CENPI: variants seen among roughly 807,000 people sequenced by gnomAD.
CENPI encodes the protein FSH primary response 1.
CENPI carries 4 observed loss-of-function variants against 60.4 expected under a neutral mutation model. The observed-to-expected ratio is 0.07, with a 90% CI of 0.03 to 0.15. The LOEUF is 0.15. CENPI is among the 10% of genes least tolerant of loss of function. CENPI has a pLI of 1.00. For missense variants in CENPI, 444 were observed against 534.5 expected (o/e 0.83, Z 1.67); for synonymous variants, 157 against 189.4 (o/e 0.83, Z 1.40).
At position 101,106,237 on chromosome X, in the gene CENPI, A is replaced by C. The variant is rs368540287; in HGVS notation, c.365-3236A>C. Among the ~76,000 whole-genome samples, 17 of 111,767 alleles carry C rather than the reference A, an allele frequency of 1.5e-4. No individual in the cohort carries two copies. The South Asian group carries it at 6.0e-3, about 39-fold the overall frequency. On this transcript the variant is annotated intron_variant, in intron 4 of 21. Transcript: ENST00000682095. ...GAGTGAGAAAGAAAACAAGAAAAAC[A>C]AGAAACCACAAGAGTGGAAAGCAGA...
At chrX:101,166,813 G>T (rs1321660599), downstream of CENPI, among the ~76,000 whole-genome samples, 1 of 112,417 alleles carries the variant, frequency 8.9e-6, no homozygotes, top group African/African-American at 3.2e-5. Context: ...AGGCTGGAGT[G>T]CAGTGGCGTG....
Position 101,126,846 on chromosome X carries a change from T to C in CENPI, c.777+48T>C, listed in dbSNP as rs143158337. On this transcript the variant is annotated intron_variant, in intron 9 of 21. Coordinates refer to ENST00000682095, the MANE Select transcript of CENPI (RefSeq NM_001386188.2). ...ATCATATTAAGATTGAAATATGTTA[T>C]TTTTGGTAAAGTTAACTTACAGATT... 573 of 1,029,367 alleles carry C rather than the reference T, an allele frequency of 5.6e-4. 1 individual carries two copies. In the African/African-American group the frequency reaches 9.1e-3, roughly 16 times the overall value. The allele number at this position is 1,029,367 out of a possible 1,213,427, so 84.8% of individuals were successfully genotyped here. A position where few individuals can be genotyped will look rare whatever the true frequency, so the allele number is the denominator to read the frequency against.
chrX:101,146,027 G>A, intron 17 of CENPI, 126 bp from the exon 18 acceptor site: 1 of 500,005 alleles, frequency 2.0e-6, no homozygotes. Flanking sequence ...GTTTATTTAG[G>A]AGTCAGGCAT....
intron 13 of CENPI, among the ~76,000 whole-genome samples, chrX:101,131,253 C>A (rs1362725307): frequency 9.0e-6 from 1 of 111,673 alleles, no homozygotes; most frequent in East Asian, 2.8e-4. Context: ...TTAAGCATTC[C>A]TTCTGCCTTG....
At chrX:101,118,499 T>G (rs1415193925) in intron 6 of CENPI, among the ~76,000 whole-genome samples, 2 of 112,402 alleles carry the variant, frequency 1.8e-5, no homozygotes, top group African/African-American at 6.5e-5. Flanking sequence ...CTTTCTGCTT[T>G]CTTCTAACAG....
chrX:101,171,989 C>T, the CENPI span, among the ~76,000 whole-genome samples: 1 of 111,754 alleles, frequency 8.9e-6, no homozygotes, highest in Admixed American at 9.6e-5. Context: ...AATTTAAAAA[C>T]GGACCAAATA....
At chrX:101,161,662 C>G (rs2090109273) in intron 21 of CENPI, 93 bp downstream of exon 21, 4 of 771,403 alleles carry the variant, frequency 5.2e-6, no homozygotes, top group Non-Finnish European at 7.7e-6. Context: ...AAACCTTAAG[C>G]CTGCTGCCTC....
At chrX:101,170,511 C>A (rs1006294169), downstream of CENPI, among the ~76,000 whole-genome samples, 1 of 112,047 alleles carries the variant, frequency 8.9e-6, no homozygotes, top group African/African-American at 3.2e-5. Context: ...TACACCATAT[C>A]AAAACATTGT....
chrX:101,106,458 C>CCAGG (rs2060487021), intron 4 of CENPI, among the ~76,000 whole-genome samples: 1 of 106,685 alleles, frequency 9.4e-6, no homozygotes, highest in Admixed American at 1.0e-4. Context: ...CTCTTGTCAC[C>CCAGG]CAGGCTGGAG....
At chrX:101,146,326 CTT>C (rs762883861) in intron 18 of CENPI, 49 bp downstream of exon 18, 1 of 1,085,877 alleles carries the variant, frequency 9.2e-7, no homozygotes, top group East Asian at 3.1e-5. Flanking sequence ...ATAATTCTCT[CTT>C]CCTCTTTCAG....
In CENPI at chrX:101,139,166, C is replaced by T. The variant is rs930700606; in HGVS notation, c.1471-1500C>T. ...GTAGTGCAGTGGCATGATCTTGGCT[C>T]ACTGCAAACTCCGCCTTCCGGGCTC... On this transcript the variant is annotated intron_variant, in intron 15 of 21. Coordinates refer to ENST00000682095, the MANE Select transcript of CENPI (RefSeq NM_001386188.2). 8.2e-5 allele frequency among the ~76,000 whole-genome samples: 8 copies of T among 97,598 alleles called. No homozygotes were observed. The East Asian group carries it at 2.3e-3, about 28-fold the overall frequency. The allele number at this position is 97,598 out of a possible 115,157, so 84.8% of individuals were successfully genotyped here.
chrX:101,139,679 TTAG>T (rs1033969836), intron 15 of CENPI, among the ~76,000 whole-genome samples: 2 of 111,585 alleles, frequency 1.8e-5, no homozygotes, highest in African/African-American at 6.5e-5. Context: ...ACTCAAATGA[TTAG>T]TAGACCATTA....
At chrX:101,145,707 A>G (rs1316827528) in intron 17 of CENPI, among the ~76,000 whole-genome samples, 1 of 108,294 alleles carries the variant, frequency 9.2e-6, no homozygotes, top group Non-Finnish European at 1.9e-5. Flanking sequence ...CCAATTTAAT[A>G]TTATCCATGA....
At position 101,102,319 on chromosome X, in the gene CENPI, A is replaced by G; in HGVS notation, c.272A>G (p.His91Arg). 8.4e-7 allele frequency: 1 copy of G among 1,194,731 alleles called. No homozygotes were observed. Residue 91 changes from histidine (H) to arginine (R), a missense_variant, in exon 4 of 22, where the codon CAC (histidine) becomes CGC (arginine). Transcript: ENST00000682095. Reference sequence around the variant, plus strand: ...AATAAAGATAAAACCTTGGAAAAACACTTGAAAACTGTGGAAAATGTGGCT... The same window carrying G: ...AATAAAGATAAAACCTTGGAAAAACGCTTGAAAACTGTGGAAAATGTGGCT... Reference protein sequence around the residue: ...SQNKDKTLEKHLKTVENVAWK... With the variant: ...SQNKDKTLEKRLKTVENVAWK...
At chrX:101,168,403 T>G (rs758628313), downstream of CENPI, among the ~76,000 whole-genome samples, 80 of 111,523 alleles carry the variant, frequency 7.2e-4, no homozygotes, top group African/African-American at 2.4e-3. Flanking sequence ...CTGTCTCTAC[T>G]AAAAATGCAA....
At position 101,163,041 on chromosome X, in the gene CENPI, A is replaced by G. The variant is rs2090124748; in HGVS notation, c.*74A>G. The G allele has an allele frequency of 1.9e-6, 2 of 1,056,119 alleles. No homozygotes were observed. Among genetic ancestry groups the G allele is most frequent in the South Asian group, 4.0e-5 (2 of 49,743 alleles). The allele number at this position is 1,056,119 out of a possible 1,213,427, so 87.0% of individuals were successfully genotyped here. ...TGCTAGAGCAAAGTGGCTCATCTTGAGTTCCCATTTTCATTTCACTGACAG... is the reference window on the plus strand; with the variant it reads ...TGCTAGAGCAAAGTGGCTCATCTTGGGTTCCCATTTTCATTTCACTGACAG... On this transcript the variant is annotated 3_prime_UTR_variant, in exon 22 of 22. Coordinates refer to ENST00000682095, the MANE Select transcript of CENPI (RefSeq NM_001386188.2).
In CENPI at chrX:101,140,697, T is replaced by C. The variant is rs1467374341; in HGVS notation, c.1502T>C (p.Leu501Ser). ...CSVLQSLKEL[L>S]QNWLLWLSMD... ...GTGCTTCAGAGTCTGAAAGAGCTAT[T>C]GCAGAATTGGCTGTTGTGGCTTTCT... Residue 501 changes from leucine to serine, a missense_variant, in exon 16 of 22, where the codon TTG becomes TCG. Leu to Ser is a moderately radical substitution (Grantham distance 145). Transcript: ENST00000682095. The C allele has an allele frequency of 8.3e-7, 1 of 1,206,178 alleles. No homozygotes were observed. The highest frequency in any genetic ancestry group is 3.0e-5 in the East Asian group (1 of 33,834).
intron 6 of CENPI, among the ~76,000 whole-genome samples, chrX:101,113,603 C>T (rs908356303): frequency 8.9e-6 from 1 of 112,068 alleles, no homozygotes; most frequent in African/African-American, 3.2e-5. Flanking sequence ...AGCCACCACG[C>T]CTGGCCGATA....
intron 15 of CENPI, among the ~76,000 whole-genome samples, chrX:101,133,263 A>G (rs771192826): frequency 6.5e-5 from 7 of 107,984 alleles, no homozygotes; most frequent in Non-Finnish European, 1.1e-4. Flanking sequence ...CATCATTCAC[A>G]TGACATCCAC....
Sources: gnomAD v4.1 joint callset for allele counts (sites outside exome capture counted in the v4.1 genomes callset) on GRCh38, gnomAD v4.1.1 for gene constraint, MANE v1.5 for transcripts, NCBI Gene and HGNC (gene_info 2026-07-23, HGNC 2026-07-21) for gene names.